MAPT: variants seen among roughly 807,000 people sequenced by gnomAD.
MAPT encodes the protein microtubule-associated protein tau.
Under a neutral mutation model 67.9 loss-of-function variants are expected in MAPT, and 34 were observed. That is an observed-to-expected ratio of 0.50 (90% CI 0.38 to 0.67). The LOEUF is 0.67. Among genes scored for constraint, MAPT ranks in the 30% least tolerant of loss-of-function variants. The pLI, the probability that MAPT is intolerant of heterozygous loss-of-function variation, is 0.00. For missense variants in MAPT, 881 were observed against 1,115.2 expected, an observed-to-expected ratio of 0.79 and a Z score of 2.99; for synonymous variants, 456 against 464.5, an observed-to-expected ratio of 0.98 and a Z score of 0.23.
At chr17:45,985,043 C>T (rs1187700212) in intron 5 of MAPT, among the ~76,000 whole-genome samples, 1 of 152,202 alleles carries the variant, frequency 6.6e-6, no homozygotes, top group African/African-American at 2.4e-5. Flanking sequence ...ATGGCTCACG[C>T]CTGTAATCTC....
intron 1 of MAPT, among the ~76,000 whole-genome samples, chr17:45,908,687 T>C (rs1398505418): frequency 6.6e-6 from 1 of 152,132 alleles, no homozygotes; most frequent in Non-Finnish European, 1.5e-5. Flanking sequence ...TTACTTAGAA[T>C]TTGCAACCTC....
chr17:45,925,961 AC>A (rs2066247571), intron 1 of MAPT, among the ~76,000 whole-genome samples: 1 of 152,218 alleles, frequency 6.6e-6, no homozygotes, highest in African/African-American at 2.4e-5. Context: ...CTGTAATAGC[AC>A]CACTTTGGGA....
intron 1 of MAPT, among the ~76,000 whole-genome samples, chr17:45,928,810 C>G (rs887724874): frequency 1.2e-4 from 19 of 152,318 alleles, no homozygotes; most frequent in African/African-American, 4.6e-4. Context: ...ATTCTCCTGC[C>G]TCAGCCTCCT....
chr17:45,946,151 TG>T, intron 1 of MAPT, among the ~76,000 whole-genome samples: 1 of 152,098 alleles, frequency 6.6e-6, no homozygotes, highest in Non-Finnish European at 1.5e-5. Context: ...CAGAGGAAAC[TG>T]CTTCTCATCC....
chr17:45,926,213 AG>A (rs1204180399), intron 1 of MAPT, among the ~76,000 whole-genome samples: 4 of 146,794 alleles, frequency 2.7e-5, no homozygotes, highest in African/African-American at 9.7e-5. Context: ...TCTATGTCAA[AG>A]AAAAAAAAAA....
chr17:45,993,862 A>G, intron 8 of MAPT: 1 of 1,495,470 alleles, frequency 6.7e-7, no homozygotes, highest in South Asian at 1.2e-5. Flanking sequence ...CACGTGAAGG[A>G]CTCATTAAGG....
chr17:45,976,342 T>G (rs2072347040), intron 3 of MAPT: 1 of 152,190 alleles, frequency 6.6e-6, no homozygotes, highest in South Asian at 2.1e-4. Flanking sequence ...TGTATTGCCT[T>G]GAAACAGTTG....
intron 4 of MAPT, 188 bp downstream of exon 4, chr17:45,978,628 C>A (rs2072631711): frequency 3.4e-6 from 2 of 591,354 alleles, no homozygotes; most frequent in African/African-American, 3.7e-5. Flanking sequence ...TTTTCTAATA[C>A]CATTTCTGGG....
rs547137181 is a variant in MAPT at position 45,983,611 on chromosome 17, G to A, written c.1032G>A (p.Val344=). 1 of 1,613,544 alleles carries A rather than the reference G, an allele frequency of 6.2e-7. No homozygotes were observed. The highest frequency in any genetic ancestry group is 1.1e-5 in the South Asian group (1 of 91,084). ...FPAEGAIPLP[V]DFLSKVSTEI... ...CGGAGGGTGCCATCCCCCTCCCTGTGGATTTCCTCTCCAAAGTTTCCACAG... is the reference window on the plus strand; with the variant it reads ...CGGAGGGTGCCATCCCCCTCCCTGTAGATTTCCTCTCCAAAGTTTCCACAG... Residue 344 remains valine, a synonymous_variant, in exon 5 of 13, where the codon GTG becomes GTA. Coordinates refer to ENST00000262410, the MANE Select transcript of MAPT (RefSeq NM_001377265.1).
chr17:45,968,722 A>G (rs1308923251), intron 2 of MAPT, among the ~76,000 whole-genome samples: 1 of 152,238 alleles, frequency 6.6e-6, no homozygotes, highest in African/African-American at 2.4e-5. Flanking sequence ...CATTGGCACT[A>G]AATAAAATAA....
At position 46,024,209 on chromosome 17, in the gene MAPT, A is replaced by C. The variant is rs761456543; in HGVS notation, c.*38A>C. 9 of 1,556,032 alleles carry C rather than the reference A, an allele frequency of 5.8e-6. No homozygotes were observed. In the Admixed American group the frequency reaches 1.5e-4, roughly 26 times the overall value. ...GGCGGTCAATAATTGTGGAGAGGAG[A>C]GAATGAGAGAGTGTGGAAAAAAAAA... On this transcript the variant is annotated 3_prime_UTR_variant, in exon 13 of 13. Coordinates refer to ENST00000262410, the MANE Select transcript of MAPT (RefSeq NM_001377265.1).
intron 1 of MAPT, among the ~76,000 whole-genome samples, chr17:45,950,346 T>A (rs1289382543): frequency 1.3e-5 from 2 of 152,118 alleles, no homozygotes; most frequent in African/African-American, 4.8e-5. Context: ...GCCAAAGCTG[T>A]CCCTTCAGGT....
chr17:46,011,743 G>T (rs1040120921), intron 10 of MAPT, among the ~76,000 whole-genome samples: 2 of 152,150 alleles, frequency 1.3e-5, no homozygotes, highest in African/African-American at 2.4e-5. Flanking sequence ...GCTCCGGGGT[G>T]GGCTGTCTCC....
intron 12 of MAPT, among the ~76,000 whole-genome samples, chr17:46,020,865 T>TTG (rs1257531850): frequency 1.3e-5 from 2 of 151,984 alleles, no homozygotes; most frequent in African/African-American, 4.8e-5. Context: ...AGCCAAACCA[T>TTG]ATCAGGGCGT....
intron 1 of MAPT, among the ~76,000 whole-genome samples, chr17:45,957,294 C>T (rs976054653): frequency 6.6e-6 from 1 of 152,200 alleles, no homozygotes; most frequent in African/African-American, 2.4e-5. Context: ...GCCATTCTAA[C>T]TGGTGTGAGA....
At position 45,942,625 on chromosome 17, in the gene MAPT, C is replaced by A. The variant is rs147584395; in HGVS notation, c.-17-19696C>A. On this transcript the variant is annotated intron_variant, in intron 1 of 12. Coordinates refer to ENST00000262410, the MANE Select transcript of MAPT (RefSeq NM_001377265.1). ...GCTGGGGCACTATTATAATGCAAATCTAGGCAAAGCCCTCCCAATACCAGG... is the reference window on the plus strand; with the variant it reads ...GCTGGGGCACTATTATAATGCAAATATAGGCAAAGCCCTCCCAATACCAGG... Among the ~76,000 whole-genome samples, 4 of 152,348 alleles carry A rather than the reference C, an allele frequency of 2.6e-5. No homozygotes were observed. The East Asian group carries it at 7.7e-4, about 29-fold the overall frequency.
At chr17:45,919,623 C>T (rs966244265) in intron 1 of MAPT, among the ~76,000 whole-genome samples, 1 of 152,178 alleles carries the variant, frequency 6.6e-6, no homozygotes, top group Non-Finnish European at 1.5e-5. Flanking sequence ...AGGGCTTAAA[C>T]GGGTTGGGGC....
At chr17:45,935,858 C>A (rs907267967) in intron 1 of MAPT, among the ~76,000 whole-genome samples, 1 of 152,206 alleles carries the variant, frequency 6.6e-6, no homozygotes, top group Non-Finnish European at 1.5e-5. Context: ...TTCTTGACTA[C>A]GTCTCCTCTC....
intron 11 of MAPT, 131 bp from the exon 12 acceptor site, chr17:46,018,487 T>G: frequency 1.3e-6 from 1 of 787,518 alleles, no homozygotes; most frequent in Non-Finnish European, 2.3e-6. Flanking sequence ...TGGCACCCAA[T>G]CTAATTTTTG....
Sources: allele counts gnomAD v4.1 joint callset (sites outside exome capture counted in the v4.1 genomes callset), GRCh38; gene constraint gnomAD v4.1.1; transcripts MANE v1.5; gene names NCBI Gene and HGNC (gene_info 2026-07-23, HGNC 2026-07-21).